Variants in SLC35D3 observed in about 807,000 individuals in gnomAD.
SLC35D3 encodes the protein solute carrier family 35 member D3.
In SLC35D3, 18 loss-of-function variants were observed where a neutral mutation model predicts 20.3. The ratio of observed to expected loss-of-function variants is 0.89; its 90% CI spans 0.61 to 1.32. SLC35D3 has a LOEUF of 1.32. Ranked by LOEUF, SLC35D3 falls within the 40% of genes most tolerant of loss-of-function variation. The pLI is 0.00. For synonymous variants in SLC35D3, 313 were observed against 263.5 expected, an observed-to-expected ratio of 1.19 and a Z score of -1.82; for missense variants, 556 against 565.5, an observed-to-expected ratio of 0.98 and a Z score of 0.17.
At position 136,923,558 on chromosome 6, in the gene SLC35D3, G is replaced by C. The variant is rs1014310563; in HGVS notation, c.440-327G>C. On this transcript the variant is annotated intron_variant, in intron 1 of 1. Coordinates refer to ENST00000331858, the MANE Select transcript of SLC35D3 (RefSeq NM_001008783.3). The surrounding 1 kb of genome is among the most constrained non-coding windows in gnomAD (Gnocchi z 6.2). Reference sequence around the variant, plus strand: ...AGGTACCACGCGCCCAAGTGACCTCGGTGCCAGCTCGGGGAAGCCACAGCA... The same window carrying C: ...AGGTACCACGCGCCCAAGTGACCTCCGTGCCAGCTCGGGGAAGCCACAGCA... 6.6e-6 allele frequency among the ~76,000 whole-genome samples: 1 copy of C among 152,194 alleles called. No homozygotes were observed. Among genetic ancestry groups the C allele is most frequent in the Non-Finnish European group, 1.5e-5 (1 of 68,022 alleles).
At position 136,922,454 on chromosome 6, in the gene SLC35D3, T is replaced by A. The variant is rs1285737901; in HGVS notation, c.26T>A (p.Val9Glu). The A allele has an allele frequency of 1.3e-6, 2 of 1,598,572 alleles. No homozygotes were observed. The highest frequency in any genetic ancestry group is 1.7e-6 in the Non-Finnish European group (2 of 1,174,626). MRQLCRGR[V>E]LGISVAIAHG... ...ATGCGGCAGCTGTGCCGGGGCCGCG[T>A]GCTGGGCATCTCGGTGGCCATCGCG... Residue 9 changes from valine to glutamate, a missense_variant, in exon 1 of 2, where the codon GTG (valine) becomes GAG (glutamate). Transcript: ENST00000331858. The surrounding 1 kb of genome is among the most constrained non-coding windows in gnomAD (Gnocchi z 6.8).
At position 136,924,846 on chromosome 6, in the gene SLC35D3, A is replaced by G; in HGVS notation, c.*150A>G. The G allele has an allele frequency of 1.4e-6, 1 of 722,090 alleles. No individual in the cohort carries two copies. Among genetic ancestry groups the G allele is most frequent in the East Asian group, 2.8e-5 (1 of 35,806 alleles). The allele number at this position is 722,090 out of a possible 1,614,324, so 44.7% of individuals were successfully genotyped here. ...CTGAAAGGTACTGACACAGAGCAAC[A>G]AAATTAGCACCTGTGTGAATTATTT... is the stretch of plus-strand genomic sequence containing the variant. On this transcript the variant is annotated 3_prime_UTR_variant, in exon 2 of 2. Coordinates refer to ENST00000331858, the MANE Select transcript of SLC35D3 (RefSeq NM_001008783.3).
chr6:136,923,322 G>T lies in SLC35D3; in HGVS notation c.439+455G>T, dbSNP rs570430680. Among the ~76,000 whole-genome samples the T allele has an allele frequency of 1.2e-3, 180 of 152,318 alleles. No homozygotes were observed. Among genetic ancestry groups the T allele is most frequent in the Non-Finnish European group, 2.0e-3 (139 of 68,018 alleles). On this transcript the variant is annotated intron_variant, in intron 1 of 1. Coordinates refer to ENST00000331858, the MANE Select transcript of SLC35D3 (RefSeq NM_001008783.3). This position sits in a 1 kb window ranked among gnomAD's most constrained non-coding sequence, Gnocchi z 6.2. ...GGGGGCGAAGCTGAGGGTTCCCGGG[G>T]CTACTGCGGGGTGTCTCGTGCTGCG...
Position 136,924,287 on chromosome 6 carries a change from C to A in SLC35D3, c.842C>A (p.Ser281Tyr). The change falls in exon 2 of 2, where the codon TCT becomes TAT. Residue 281 changes from serine (S) to tyrosine (Y), a missense_variant. Ser to Tyr is a moderately radical substitution (Grantham distance 144, BLOSUM62 -2). Transcript: ENST00000331858. ...MVAFSDVEPT[S>Y]LFIAGVVVNT... ...GCCTTCAGCGACGTGGAGCCCACCTCTCTGTTCATTGCCGGCGTGGTGGTG... is the reference window on the plus strand; with the variant it reads ...GCCTTCAGCGACGTGGAGCCCACCTATCTGTTCATTGCCGGCGTGGTGGTG... 1 of 1,614,166 alleles carries A rather than the reference C, an allele frequency of 6.2e-7. No individual in the cohort carries two copies. Among genetic ancestry groups the A allele is most frequent in the Non-Finnish European group, 8.5e-7 (1 of 1,180,048 alleles).
Position 136,922,627 on chromosome 6 carries a change from G to T in SLC35D3, c.199G>T (p.Val67Leu), listed in dbSNP as rs1050246990. 5.0e-6 allele frequency: 8 copies of T among 1,610,350 alleles called. No homozygotes were observed. The African/African-American group carries it at 1.1e-4, about 22-fold the overall frequency. ...ELLRRLGLIA[V>L]PPFGLSLARS... Reference sequence around the variant, plus strand: ...GCTGCGGCGCCTCGGGCTCATCGCCGTGCCCCCCTTCGGTCTGAGCCTGGC... The same window carrying T: ...GCTGCGGCGCCTCGGGCTCATCGCCTTGCCCCCCTTCGGTCTGAGCCTGGC... The change falls in exon 1 of 2, where the codon GTG (valine) becomes TTG (leucine). Residue 67 changes from valine to leucine, a missense_variant. Coordinates refer to ENST00000331858, the MANE Select transcript of SLC35D3 (RefSeq NM_001008783.3). This position sits in a 1 kb window ranked among gnomAD's most constrained non-coding sequence, Gnocchi z 6.8.
At position 136,924,150 on chromosome 6, in the gene SLC35D3, C is replaced by T. The variant is rs780685369; in HGVS notation, c.705C>T (p.Ile235=). ...MVCIFVACIL[I]GCAMNFTTLH... ...GCATCTTCGTGGCCTGCATCCTGAT[C>T]GGCTGCGCCATGAACTTCACCACGC... The change falls in exon 2 of 2, where the codon ATC becomes ATT. Residue 235 remains isoleucine, a synonymous_variant. Coordinates refer to ENST00000331858, the MANE Select transcript of SLC35D3 (RefSeq NM_001008783.3). The T allele has an allele frequency of 1.2e-6, 2 of 1,612,632 alleles. No individual in the cohort carries two copies. Among genetic ancestry groups the T allele is most frequent in the Admixed American group, 1.7e-5 (1 of 60,012 alleles).
rs780324658 is a variant in SLC35D3 at position 136,924,874 on chromosome 6, T to A, written c.*178T>A. On this transcript the variant is annotated 3_prime_UTR_variant, in exon 2 of 2. Coordinates refer to ENST00000331858, the MANE Select transcript of SLC35D3 (RefSeq NM_001008783.3). ...ATTAGCACCTGTGTGAATTATTTAG[T>A]GTGACTTCACCTGAGGCATCACAGA... 19 of 604,950 alleles carry A rather than the reference T, an allele frequency of 3.1e-5. No individual in the cohort carries two copies. The East Asian group carries it at 4.7e-4, about 15-fold the overall frequency. 37.5% of individuals were successfully genotyped at this position (604,950 alleles called of 1,614,324 possible).
rs1479864781 is a variant in SLC35D3 at position 136,922,955 on chromosome 6, C to T, written c.439+88C>T. 2 of 1,335,666 alleles carry T rather than the reference C, an allele frequency of 1.5e-6. No homozygotes were observed. Among genetic ancestry groups the T allele is most frequent in the South Asian group, 1.5e-5 (1 of 66,116 alleles). The allele number at this position is 1,335,666 out of a possible 1,614,324, so 82.7% of individuals were successfully genotyped here. ...CCGCGGGGATCACTGAGTTCAACGA[C>T]CTCACTTCCAGATGGGGAGACTGAG... is the stretch of plus-strand genomic sequence containing the variant. On this transcript the variant is annotated intron_variant, in intron 1 of 1. Coordinates refer to ENST00000331858, the MANE Select transcript of SLC35D3 (RefSeq NM_001008783.3). The surrounding 1 kb of genome is among the most constrained non-coding windows in gnomAD (Gnocchi z 6.8).
In SLC35D3 at chr6:136,924,554, TC is replaced by T. The variant is rs753707580; in HGVS notation, c.1112del (p.Pro371ArgfsTer15). The T allele has an allele frequency of 6.2e-7, 1 of 1,612,878 alleles. No homozygotes were observed. Among genetic ancestry groups the T allele is most frequent in the Admixed American group, 1.7e-5 (1 of 59,940 alleles). On this transcript the variant is annotated frameshift_variant, in exon 2 of 2. Transcript: ENST00000331858. LOFTEE classifies it high-confidence loss of function. ...RQEVRGSPRG[V>X]PLVAGSSEEG... ...GAGGTCAGGGGCAGCCCCCGAGGAG[TC>T]CCGCTGGTGGCTGGGAGCTCTGAAG...
Position 136,922,782 on chromosome 6 carries a change from C to T in SLC35D3, c.354C>T (p.Ile118=). ...KRCLPLVTML[I]GVLVLKNGAP... ...GCCTGCCCCTGGTCACCATGCTCAT[C>T]GGCGTCCTGGTGCTCAAGAACGGCG... Residue 118 remains isoleucine (I), a synonymous_variant, in exon 1 of 2, where the codon ATC becomes ATT. Transcript: ENST00000331858. This position sits in a 1 kb window ranked among gnomAD's most constrained non-coding sequence, Gnocchi z 6.8. 1.9e-6 allele frequency: 3 copies of T among 1,565,634 alleles called. No individual in the cohort carries two copies. The highest frequency in any genetic ancestry group is 3.4e-4 in the Middle Eastern group (2 of 5,970).
Position 136,923,074 on chromosome 6 carries a change from C to T in SLC35D3, c.439+207C>T, listed in dbSNP as rs1232159202. On this transcript the variant is annotated intron_variant, in intron 1 of 1. Coordinates refer to ENST00000331858, the MANE Select transcript of SLC35D3 (RefSeq NM_001008783.3). The surrounding 1 kb of genome is among the most constrained non-coding windows in gnomAD (Gnocchi z 6.2). The stretch of plus-strand genomic sequence containing the variant: ...GCTCCCCAGCGCCCCACCAAGTCCC[C>T]CTGCCCCCTAATGTCCTGGCTTCCG... 6.6e-6 allele frequency among the ~76,000 whole-genome samples: 1 copy of T among 152,178 alleles called. No individual in the cohort carries two copies.
At position 136,923,052 on chromosome 6, in the gene SLC35D3, C is replaced by T. The variant is rs1776084498; in HGVS notation, c.439+185C>T. On this transcript the variant is annotated intron_variant, in intron 1 of 1. Transcript: ENST00000331858. This position sits in a 1 kb window ranked among gnomAD's most constrained non-coding sequence, Gnocchi z 6.2. ...AGGGACTTCCGAGACCCAGAGAGCT[C>T]CCCAGCGCCCCACCAAGTCCCCCTG... Among the ~76,000 whole-genome samples, 1 of 152,140 alleles carries T rather than the reference C, an allele frequency of 6.6e-6. No homozygotes were observed. Among genetic ancestry groups the T allele is most frequent in the Admixed American group, 6.5e-5 (1 of 15,282 alleles).
rs1776093606 is a variant in SLC35D3, at chr6:136,923,768, C to T, written c.440-117C>T. The T allele has an allele frequency of 9.9e-7, 1 of 1,014,354 alleles. No individual in the cohort carries two copies. The highest frequency in any genetic ancestry group is 1.6e-5 in the African/African-American group (1 of 61,470). 62.8% of individuals were successfully genotyped at this position (1,014,354 alleles called of 1,614,324 possible). On this transcript the variant is annotated intron_variant, in intron 1 of 1. Transcript: ENST00000331858. This position sits in a 1 kb window ranked among gnomAD's most constrained non-coding sequence, Gnocchi z 6.2. The stretch of plus-strand genomic sequence containing the variant: ...CCGGTGGGCAGAGCTGGGGCGCGAA[C>T]CCAGTCTCCTTTCCTACCCGACGCG...
rs376792637 is a variant in SLC35D3 at position 136,923,998 on chromosome 6, G to C, written c.553G>C (p.Gly185Arg). Reference sequence around the variant, plus strand: ...GAAGGCCAGCGCAGACACCGAGCACGGGCCGCTCACCGCGCAGTACGTCAT... The same window carrying C: ...GAAGGCCAGCGCAGACACCGAGCACCGGCCGCTCACCGCGCAGTACGTCAT... ...IQKASADTEH[G>R]PLTAQYVIAV... Residue 185 changes from glycine to arginine, a missense_variant, in exon 2 of 2, where the codon GGG (glycine) becomes CGG (arginine). Transcript: ENST00000331858. The surrounding 1 kb of genome is among the most constrained non-coding windows in gnomAD (Gnocchi z 6.2). 11 of 1,592,854 alleles carry C rather than the reference G, an allele frequency of 6.9e-6. No individual in the cohort carries two copies. Among genetic ancestry groups the C allele is most frequent in the Admixed American group, 6.8e-5 (4 of 58,684 alleles).
Position 136,922,398 on chromosome 6 carries a change from C to A in SLC35D3, c.-31C>A, listed in dbSNP as rs1418285370. The A allele has an allele frequency of 1.4e-6, 2 of 1,439,058 alleles. No homozygotes were observed. The highest frequency in any genetic ancestry group is 3.0e-5 in the African/African-American group (2 of 66,808). The allele number at this position is 1,439,058 out of a possible 1,614,324, so 89.1% of individuals were successfully genotyped here. ...TCCTCGCGCGCAGGTCGCGGAGCTCCGCCACCGCTGGGTGCGGCGAGGCCG... is the reference window on the plus strand; with the variant it reads ...TCCTCGCGCGCAGGTCGCGGAGCTCAGCCACCGCTGGGTGCGGCGAGGCCG... On this transcript the variant is annotated 5_prime_UTR_variant, in exon 1 of 2. Transcript: ENST00000331858. The surrounding 1 kb of genome is among the most constrained non-coding windows in gnomAD (Gnocchi z 6.8).
At position 136,923,562 on chromosome 6, in the gene SLC35D3, C is replaced by T. The variant is rs1045391610; in HGVS notation, c.440-323C>T. Among the ~76,000 whole-genome samples, 4 of 152,230 alleles carry T rather than the reference C, an allele frequency of 2.6e-5. No individual in the cohort carries two copies. Among genetic ancestry groups the T allele is most frequent in the Non-Finnish European group, 4.4e-5 (3 of 68,038 alleles). On this transcript the variant is annotated intron_variant, in intron 1 of 1. Coordinates refer to ENST00000331858, the MANE Select transcript of SLC35D3 (RefSeq NM_001008783.3). The surrounding 1 kb of genome is among the most constrained non-coding windows in gnomAD (Gnocchi z 6.2). ...ACCACGCGCCCAAGTGACCTCGGTG[C>T]CAGCTCGGGGAAGCCACAGCACCTG...
At position 136,924,511 on chromosome 6, in the gene SLC35D3, G is replaced by A; in HGVS notation, c.1066G>A (p.Ala356Thr). 6.2e-7 allele frequency: 1 copy of A among 1,613,330 alleles called. No individual in the cohort carries two copies. Among genetic ancestry groups the A allele is most frequent in the Non-Finnish European group, 8.5e-7 (1 of 1,179,878 alleles). ...AGGTGGGGAGGCAGCAGGTGGCCCC[G>A]CTCAGGAGAGCAGGCAAGAGGTCAG... is the stretch of plus-strand genomic sequence containing the variant. ...SEGGEAAGGP[A>T]QESRQEVRGS... The change falls in exon 2 of 2, where the codon GCT (alanine) becomes ACT (threonine). Residue 356 changes from alanine (A) to threonine (T), a missense_variant. Physicochemically the swap from Ala to Thr is moderately conservative, Grantham distance 58. Coordinates refer to ENST00000331858, the MANE Select transcript of SLC35D3 (RefSeq NM_001008783.3).
chr6:136,922,488 C>T lies in SLC35D3; in HGVS notation c.60C>T (p.Val20=), dbSNP rs1313978738. The change falls in exon 1 of 2, where the codon GTC becomes GTT. Residue 20 remains valine (V), a synonymous_variant. Transcript: ENST00000331858. The surrounding 1 kb of genome is among the most constrained non-coding windows in gnomAD (Gnocchi z 6.8). ...TCTCGGTGGCCATCGCGCACGGGGT[C>T]TTCTCGGGCTCCCTCAACATCTTGC... ...LGISVAIAHG[V]FSGSLNILLK... The T allele has an allele frequency of 2.5e-6, 4 of 1,608,082 alleles. No individual in the cohort carries two copies. Among genetic ancestry groups the T allele is most frequent in the Non-Finnish European group, 3.4e-6 (4 of 1,178,102 alleles).
In SLC35D3 at chr6:136,922,728, C is replaced by G; in HGVS notation, c.300C>G (p.Ser100Arg). The G allele has an allele frequency of 1.3e-6, 2 of 1,582,168 alleles. No individual in the cohort carries two copies. Among genetic ancestry groups the G allele is most frequent in the South Asian group, 1.1e-5 (1 of 87,046 alleles). The change falls in exon 1 of 2, where the codon AGC becomes AGG. Residue 100 changes from serine to arginine, a missense_variant. Transcript: ENST00000331858. This position sits in a 1 kb window ranked among gnomAD's most constrained non-coding sequence, Gnocchi z 6.8. The part of the protein sequence containing the change: ...SLTLWSLRGL[S>R]LPMYVVFKRC... The stretch of plus-strand genomic sequence containing the variant: ...CGCTCTGGTCCCTGCGCGGCCTCAG[C>G]CTGCCCATGTACGTGGTCTTCAAGC...
Sources: gnomAD v4.1 joint callset for allele counts (sites outside exome capture counted in the v4.1 genomes callset) on GRCh38, gnomAD v4.1.1 for gene constraint, Gnocchi (gnomAD v3.1) non-coding constraint, MANE v1.5 for transcripts, NCBI Gene and HGNC (gene_info 2026-07-23, HGNC 2026-07-21) for gene names.